The following COL4A4 variants were observed in gnomAD, a reference collection of about 807,000 sequenced individuals.
COL4A4 encodes collagen alpha-4(IV) chain.
In COL4A4, 105 loss-of-function variants were observed where a neutral mutation model predicts 192.9. The ratio of observed to expected loss-of-function variants is 0.54; its 90% CI spans 0.46 to 0.64. The LOEUF (loss-of-function observed/expected upper bound fraction) is 0.64, where lower values mean the gene tolerates loss of function less well. Ranked by LOEUF, COL4A4 falls within the 30% of genes least tolerant of loss-of-function variation. The probability of loss-of-function intolerance (pLI) is 0.00; values close to 1 mark genes in which losing one functional copy is unlikely to be tolerated. For missense variants in COL4A4, 1,967 were observed against 2,169.3 expected (o/e 0.91, Z 1.85); for synonymous variants, 762 against 769.9 (o/e 0.99, Z 0.17).
At chr2:227,042,104 T>G in intron 37 of COL4A4, 44 bp downstream of exon 37, 1 of 1,238,228 alleles carries the variant, frequency 8.1e-7, no homozygotes, top group Non-Finnish European at 1.2e-6. Context: ...TTTGCCCTCA[T>G]TGGGCTGCAT....
chr2:226,989,405 C>T, the COL4A4 span, among the ~76,000 whole-genome samples: 1 of 152,120 alleles, frequency 6.6e-6, no homozygotes, highest in Non-Finnish European at 1.5e-5. Context: ...TGGAAGGGGG[C>T]TTGTGGTGGC....
chr2:227,096,911 C>T (rs949390091), intron 19 of COL4A4, among the ~76,000 whole-genome samples: 10 of 151,990 alleles, frequency 6.6e-5, no homozygotes, highest in Admixed American at 5.2e-4. Context: ...AAATTATCTA[C>T]AAGATATTCT....
At chr2:227,061,303 C>T (rs1027615114) in intron 26 of COL4A4, among the ~76,000 whole-genome samples, 8 of 152,164 alleles carry the variant, frequency 5.3e-5, no homozygotes, top group East Asian at 1.9e-4. Flanking sequence ...TTGTGGTGGG[C>T]GGAGTGTAAT....
chr2:227,008,130 C>T lies in COL4A4; in HGVS notation c.4697G>A (p.Cys1566Tyr). ...CTGGGCCGGGGCCTCGCATACCGCA[C>T]AGCGGCTGACATAGGGGCGGATCGC... ...EEAIRPYVSR[C>Y]AVCEAPAQAV... Residue 1566 changes from cysteine to tyrosine, a missense_variant, in exon 47 of 48, where the codon TGT (cysteine) becomes TAT (tyrosine). By Grantham distance (194) the Cys-to-Tyr change is radical. Transcript: ENST00000396625. 6.2e-7 allele frequency: 1 copy of T among 1,614,018 alleles called. No homozygotes were observed. The highest frequency in any genetic ancestry group is 8.5e-7 in the Non-Finnish European group (1 of 1,179,916).
Position 227,031,447 on chromosome 2 carries a change from A to G in COL4A4, c.3817+498T>C, listed in dbSNP as rs1193259002. Among the ~76,000 whole-genome samples the G allele has an allele frequency of 2.0e-5, 3 of 152,158 alleles. No homozygotes were observed. The South Asian group carries it at 6.2e-4, about 31-fold the overall frequency. On this transcript the variant is annotated intron_variant, in intron 40 of 47. Coordinates refer to ENST00000396625, the MANE Select transcript of COL4A4 (RefSeq NM_000092.5). ...GGTCAGCTTAGTAATGACTTCCAAC[A>G]TCTTTCCTTACCAAAGTTTGTCCCT...
Position 227,153,705 on chromosome 2 carries a change from G to A in COL4A4, c.-101-6121C>T, listed in dbSNP as rs1022434509. On this transcript the variant is annotated intron_variant, in intron 1 of 47. Coordinates refer to ENST00000396625, the MANE Select transcript of COL4A4 (RefSeq NM_000092.5). ...AAATGCATCAGGAGATACCCTGACC[G>A]TAGAATTGGACATTAGATGGCTGAG... 5.3e-5 allele frequency among the ~76,000 whole-genome samples: 8 copies of A among 152,272 alleles called. No individual in the cohort carries two copies. The East Asian group carries it at 5.8e-4, about 11-fold the overall frequency.
chr2:227,161,346 A>G (rs2064818999), intron 1 of COL4A4, among the ~76,000 whole-genome samples: 1 of 152,252 alleles, frequency 6.6e-6, no homozygotes. Flanking sequence ...CAAAGACAAT[A>G]ACCACTCATT....
At chr2:227,020,873 C>CTTCTTTTTTT (rs369601645) in intron 44 of COL4A4, among the ~76,000 whole-genome samples, 1 of 53,212 alleles carries the variant, frequency 1.9e-5, no homozygotes, top group African/African-American at 9.0e-5. Context: ...TCGGAGAACA[C>CTTCTTTTTTT]TTTTTTCTTT....
In COL4A4 at chr2:227,062,630, T is replaced by A. The variant is rs544082578; in HGVS notation, c.1988-32A>T. ...TGAGAAAAGAAAAGCGGCATTCACATAACTGATAGCCCAGTGCAATGTGAG... is the reference window on the plus strand; with the variant it reads ...TGAGAAAAGAAAAGCGGCATTCACAAAACTGATAGCCCAGTGCAATGTGAG... On this transcript the variant is annotated intron_variant, in intron 25 of 47. Coordinates refer to ENST00000396625, the MANE Select transcript of COL4A4 (RefSeq NM_000092.5). 28 of 1,479,314 alleles carry A rather than the reference T, an allele frequency of 1.9e-5. 1 individual carries two copies. In the South Asian group the frequency reaches 2.6e-4, roughly 14 times the overall value. The allele number at this position is 1,479,314 out of a possible 1,614,324, so 91.6% of individuals were successfully genotyped here. A position where few individuals can be genotyped will look rare whatever the true frequency, so the allele number is the denominator to read the frequency against.
intron 45 of COL4A4, 107 bp from the exon 46 acceptor site, chr2:227,010,608 G>C (rs1437593614): frequency 4.4e-6 from 4 of 917,830 alleles, no homozygotes; most frequent in East Asian, 5.3e-5. Flanking sequence ...GGGAGCAGAG[G>C]GGAGCATGAC....
At chr2:227,012,392 C>T in intron 44 of COL4A4, 95 bp from the exon 45 acceptor site, 2 of 948,686 alleles carry the variant, frequency 2.1e-6, no homozygotes, top group South Asian at 1.3e-5. Flanking sequence ...GTGCCAGCCC[C>T]AGGCTTCCTT....
chr2:227,153,222 A>G (rs1249100406), intron 1 of COL4A4, among the ~76,000 whole-genome samples: 1 of 152,160 alleles, frequency 6.6e-6, no homozygotes, highest in African/African-American at 2.4e-5. Flanking sequence ...GAATTATGGG[A>G]GCTACAATTT....
chr2:227,032,909 A>T (rs1223677138), intron 38 of COL4A4, among the ~76,000 whole-genome samples: 1 of 152,244 alleles, frequency 6.6e-6, no homozygotes, highest in East Asian at 1.9e-4. Flanking sequence ...AATGTGCATT[A>T]TACTAACAGA....
chr2:226,990,838 C>T, the COL4A4 span, among the ~76,000 whole-genome samples: 1 of 152,138 alleles, frequency 6.6e-6, no homozygotes, highest in Admixed American at 6.6e-5. Context: ...TGAGGGCTGA[C>T]CTCCATTGAC....
intron 8 of COL4A4, among the ~76,000 whole-genome samples, chr2:227,114,218 T>C (rs2061368365): frequency 6.6e-6 from 1 of 152,216 alleles, no homozygotes; most frequent in African/African-American, 2.4e-5. Context: ...TTTGGTAATG[T>C]CTGGATATAC....
chr2:227,156,235 C>CA (rs202210779), intron 1 of COL4A4, among the ~76,000 whole-genome samples: 9 of 151,090 alleles, frequency 6.0e-5, no homozygotes, highest in East Asian at 2.0e-4. Context: ...CACATCTCTA[C>CA]AAAAAAACAA....
chr2:227,147,562 G>T lies in COL4A4; in HGVS notation c.-79C>A. ...GGTTCTTGTTGACAAGTGAGGTTCT[G>T]TGTTCTGGGTCAAAGTCTGTTCCTG... On this transcript the variant is annotated 5_prime_UTR_variant, in exon 2 of 48. Transcript: ENST00000396625. 8.0e-7 allele frequency: 1 copy of T among 1,246,078 alleles called. No individual in the cohort carries two copies. The highest frequency in any genetic ancestry group is 1.2e-6 in the Non-Finnish European group (1 of 851,306). 77.2% of individuals were successfully genotyped at this position (1,246,078 alleles called of 1,614,324 possible).
chr2:227,091,291 G>GAT (rs1389378438), intron 20 of COL4A4, among the ~76,000 whole-genome samples: 1 of 148,514 alleles, frequency 6.7e-6, no homozygotes, highest in African/African-American at 2.6e-5. Flanking sequence ...TATAGATATA[G>GAT]ATATAGATAT....
At chr2:227,152,195 G>T (rs2063996660) in intron 1 of COL4A4, among the ~76,000 whole-genome samples, 3 of 152,328 alleles carry the variant, frequency 2.0e-5, no homozygotes, top group East Asian at 1.9e-4. Context: ...ACAAAGCAGG[G>T]TGGTAATATT....
Sources: allele counts gnomAD v4.1 joint callset (sites outside exome capture counted in the v4.1 genomes callset), GRCh38; gene constraint gnomAD v4.1.1; transcripts MANE v1.5; gene names NCBI Gene and HGNC (gene_info 2026-07-23, HGNC 2026-07-21).